CACNA2D1: variants seen among roughly 807,000 people sequenced by gnomAD.
CACNA2D1 encodes voltage-dependent calcium channel subunit alpha-2/delta-1.
Under a neutral mutation model 171.5 loss-of-function variants are expected in CACNA2D1, and 53 were observed. That is an observed-to-expected ratio of 0.31 (90% CI 0.25 to 0.39). The LOEUF is 0.39. CACNA2D1 is among the 10% of genes least tolerant of loss of function. The pLI is 1.00. For synonymous variants in CACNA2D1, 442 were observed against 443.1 expected (o/e 1.00, Z 0.03); for missense variants, 903 against 1,299.8 (o/e 0.69, Z 4.69).
intron 10 of CACNA2D1, among the ~76,000 whole-genome samples, chr7:82,045,789 G>A (rs934940256): frequency 1.3e-5 from 2 of 152,060 alleles, no homozygotes; most frequent in African/African-American, 4.8e-5. Flanking sequence ...CTTTCAACAA[G>A]CTACAGTTTT....
intron 4 of CACNA2D1, among the ~76,000 whole-genome samples, chr7:82,153,112 A>T (rs1432723777): frequency 6.7e-6 from 1 of 150,298 alleles, no homozygotes; most frequent in Non-Finnish European, 1.5e-5. Context: ...ACTTTCAGAC[A>T]GGCACTATTC....
intron 18 of CACNA2D1, among the ~76,000 whole-genome samples, chr7:81,998,143 A>G (rs1049393910): frequency 2.0e-5 from 3 of 151,948 alleles, no homozygotes; most frequent in East Asian, 3.8e-4. Context: ...CAATTCCTCT[A>G]TAACTTCCTA....
chr7:82,406,257 G>A (rs977528825), intron 1 of CACNA2D1, among the ~76,000 whole-genome samples: 6 of 152,296 alleles, frequency 3.9e-5, no homozygotes, highest in African/African-American at 1.2e-4. Flanking sequence ...ATTCCATGGT[G>A]TATATGTGCC....
intron 1 of CACNA2D1, among the ~76,000 whole-genome samples, chr7:82,379,879 C>G (rs1823498201): frequency 6.6e-6 from 1 of 152,106 alleles, no homozygotes; most frequent in African/African-American, 2.4e-5. Context: ...TTCCTCCAAT[C>G]TTTGTTATAA....
chr7:81,955,982 T>C (rs10259323), intron 38 of CACNA2D1, among the ~76,000 whole-genome samples: 2 of 20,546 alleles, frequency 9.7e-5, no homozygotes, highest in Non-Finnish European at 1.8e-4. Flanking sequence ...ATATATATAT[T>C]TTTTTTTTTT....
In CACNA2D1 at chr7:82,170,275, A is replaced by T. The variant is rs538596292; in HGVS notation, c.354+275T>A. Among the ~76,000 whole-genome samples, 232 of 152,010 alleles carry T rather than the reference A, an allele frequency of 1.5e-3. 2 individuals are homozygous for T. The highest frequency in any genetic ancestry group is 5.4e-3 in the African/African-American group (226 of 41,514). ...GCTATTTTTAATGTATTTTATAAATAATGTACCTTTAATTATGGGAGAACA... is the reference window on the plus strand; with the variant it reads ...GCTATTTTTAATGTATTTTATAAATTATGTACCTTTAATTATGGGAGAACA... On this transcript the variant is annotated intron_variant, in intron 4 of 38. Transcript: ENST00000356860.
intron 1 of CACNA2D1, among the ~76,000 whole-genome samples, chr7:82,388,890 C>T (rs1160841628): frequency 1.3e-5 from 2 of 151,856 alleles, no homozygotes; most frequent in African/African-American, 4.8e-5. Flanking sequence ...CCGAGGCTGG[C>T]GGATGACTGG....
chr7:82,334,060 A>C (rs1459126444), intron 3 of CACNA2D1, among the ~76,000 whole-genome samples: 1 of 152,170 alleles, frequency 6.6e-6, no homozygotes, highest in African/African-American at 2.4e-5. Context: ...TGTACAAAAA[A>C]ATTTCACTGA....
chr7:81,971,781 T>C lies in CACNA2D1; in HGVS notation c.2137A>G (p.Asn713Asp). ...LVQNYWSKQKNIKGVKARFVV... is the reference protein window; with the variant it reads ...LVQNYWSKQKDIKGVKARFVV... The stretch of plus-strand genomic sequence containing the variant: ...TTAATAAGAACAAATACTTACATAT[T>C]TTTCTGCTTACTCCAGTAATTTTGG... Residue 713 changes from asparagine (N) to aspartate (D), a missense_variant, in exon 26 of 39, where the codon AAT becomes GAT. Physicochemically the swap from Asn to Asp is conservative, Grantham distance 23 (BLOSUM62 1). Around this residue, in one of 5 missense-constraint regions of CACNA2D1, gnomAD observed 623 missense variants for 925.5 expected, o/e 0.67. Transcript: ENST00000356860. The C allele has an allele frequency of 6.4e-7, 1 of 1,552,342 alleles. No homozygotes were observed. Among genetic ancestry groups the C allele is most frequent in the Non-Finnish European group, 8.9e-7 (1 of 1,124,602 alleles).
chr7:82,003,954 A>T (rs1798873547), intron 18 of CACNA2D1, among the ~76,000 whole-genome samples: 1 of 152,110 alleles, frequency 6.6e-6, no homozygotes, highest in African/African-American at 2.4e-5. Flanking sequence ...CATGTTGGCC[A>T]GGCTGGTCTC....
intron 3 of CACNA2D1, among the ~76,000 whole-genome samples, chr7:82,325,331 T>C (rs1020456307): frequency 1.3e-5 from 2 of 152,186 alleles, no homozygotes; most frequent in African/African-American, 4.8e-5. Flanking sequence ...CTGAATTTTA[T>C]TCGGTAGCTA....
chr7:82,175,928 A>T (rs1474266029), intron 3 of CACNA2D1, among the ~76,000 whole-genome samples: 1 of 141,456 alleles, frequency 7.1e-6, no homozygotes, highest in African/African-American at 3.1e-5. Context: ...ATATGAGCGA[A>T]ATAAATGAAA....
intron 3 of CACNA2D1, 143 bp downstream of exon 3, chr7:82,334,992 A>T: frequency 1.6e-6 from 1 of 621,864 alleles, no homozygotes; most frequent in South Asian, 2.2e-5. Flanking sequence ...TTAAACCATG[A>T]TATCTCATTT....
intron 10 of CACNA2D1, among the ~76,000 whole-genome samples, chr7:82,052,163 T>G (rs1805267712): frequency 6.6e-6 from 1 of 152,184 alleles, no homozygotes; most frequent in Admixed American, 6.5e-5. Context: ...ATGACCCACA[T>G]TCTTTTGGGT....
intron 1 of CACNA2D1, among the ~76,000 whole-genome samples, chr7:82,430,810 G>T (rs1829611712): frequency 6.6e-6 from 1 of 152,156 alleles, no homozygotes; most frequent in African/African-American, 2.4e-5. Flanking sequence ...TGCTCAATTT[G>T]TAGGGTAGTC....
intron 5 of CACNA2D1, among the ~76,000 whole-genome samples, chr7:82,120,673 G>T (rs772137940): frequency 2.0e-5 from 3 of 152,048 alleles, no homozygotes; most frequent in Non-Finnish European, 4.4e-5. Flanking sequence ...TCAGGAGTTT[G>T]AGACCAGCCT....
intron 3 of CACNA2D1, among the ~76,000 whole-genome samples, chr7:82,254,198 A>G (rs1305384891): frequency 6.6e-6 from 1 of 152,144 alleles, no homozygotes; most frequent in Non-Finnish European, 1.5e-5. Context: ...TAAATATAAA[A>G]CAAACAAAAT....
rs749679830 is a variant in CACNA2D1 at position 82,120,874 on chromosome 7, C to CAAA, written c.397-3704_397-3702dup. Among the ~76,000 whole-genome samples, 823 of 104,438 alleles carry CAAA rather than the reference C, an allele frequency of 7.9e-3. 14 individuals carry two copies. The highest frequency in any genetic ancestry group is 9.7e-3 in the Non-Finnish European group (507 of 52,036). 68.5% of individuals were successfully genotyped at this position (104,438 alleles called of 152,430 possible). A position where few individuals can be genotyped will look rare whatever the true frequency, so the allele number is the denominator to read the frequency against. On this transcript the variant is annotated intron_variant, in intron 5 of 38. Coordinates refer to ENST00000356860, the MANE Select transcript of CACNA2D1 (RefSeq NM_000722.4). ...TGGGTGACAGAGCGAGACTCTATCT[C>CAAA]AAAAAAAAAAAAAAAAAAGAATGTT...
intron 10 of CACNA2D1, among the ~76,000 whole-genome samples, chr7:82,038,694 T>C (rs1275801503): frequency 6.6e-6 from 1 of 152,176 alleles, no homozygotes; most frequent in African/African-American, 2.4e-5. Context: ...CAATGTTTAG[T>C]CATTTTGAAA....
Sources: gnomAD v4.1 joint callset for allele counts (sites outside exome capture counted in the v4.1 genomes callset) on GRCh38, gnomAD v4.1.1 for gene constraint, gnomAD v4.1.1 regional missense constraint, MANE v1.5 for transcripts, NCBI Gene and HGNC (gene_info 2026-07-23, HGNC 2026-07-21) for gene names.